The following SH3PXD2A variants were observed in gnomAD, a reference collection of about 807,000 sequenced individuals.
SH3PXD2A encodes the protein SH3 and PX domain-containing protein 2A.
Under a neutral mutation model 115.2 loss-of-function variants are expected in SH3PXD2A, and 32 were observed. The observed-to-expected ratio is 0.28, with a 90% CI of 0.21 to 0.37. SH3PXD2A has a LOEUF of 0.37. SH3PXD2A is among the 10% of genes least tolerant of loss of function. The pLI, the probability that SH3PXD2A is intolerant of heterozygous loss-of-function variation, is 1.00. For missense variants in SH3PXD2A, 1,328 were observed against 1,498.7 expected (o/e 0.89, Z 1.88); for synonymous variants, 610 against 629.1 (o/e 0.97, Z 0.45).
At chr10:103,766,641 A>C (rs1437449767) in intron 3 of SH3PXD2A, among the ~76,000 whole-genome samples, 1 of 152,234 alleles carries the variant, frequency 6.6e-6, no homozygotes, top group Non-Finnish European at 1.5e-5. Flanking sequence ...TGCCTTAAAC[A>C]CACTCCAAAA....
intron 5 of SH3PXD2A, 64 bp downstream of exon 5, chr10:103,724,206 A>G (rs12220667): frequency 0.26 from 209,233 of 810,246 alleles, 28,892 homozygotes; most frequent in African/African-American, 0.42. Context: ...CAGCCTCCCC[A>G]GGCTGGCCAT....
chr10:103,821,428 G>A (rs117829550), intron 1 of SH3PXD2A, among the ~76,000 whole-genome samples: 3,112 of 152,112 alleles, frequency 0.02, 49 homozygotes, highest in South Asian at 0.035. Context: ...CACACCTGGC[G>A]TTCATTCTTT....
intron 1 of SH3PXD2A, among the ~76,000 whole-genome samples, chr10:103,821,063 G>A (rs1231327588): frequency 6.6e-6 from 1 of 151,940 alleles, no homozygotes; most frequent in African/African-American, 2.4e-5. Flanking sequence ...GTTTCAGTGA[G>A]GATTAAATGG....
chr10:103,619,933 C>G (rs1195125524), intron 10 of SH3PXD2A, among the ~76,000 whole-genome samples: 2 of 152,220 alleles, frequency 1.3e-5, no homozygotes, highest in Non-Finnish European at 2.9e-5. Flanking sequence ...CCAGGCCGTC[C>G]CAGCTCCTGG....
intron 1 of SH3PXD2A, among the ~76,000 whole-genome samples, chr10:103,810,945 C>CGT (rs1442424856): frequency 2.4e-4 from 1 of 4,168 alleles, no homozygotes; most frequent in Admixed American, 2.8e-3. Context: ...GACACAGGCG[C>CGT]GCGCGCGCAC....
Position 103,602,008 on chromosome 10 carries a change from G to A in SH3PXD2A, c.3210C>T (p.His1070=). 3.1e-6 allele frequency: 5 copies of A among 1,613,844 alleles called. No individual in the cohort carries two copies. Among genetic ancestry groups the A allele is most frequent in the Non-Finnish European group, 4.2e-6 (5 of 1,179,856 alleles). ...AGACGTACACATCTTTGAGGTTATT[G>A]TGGATGAACTGAGACTTCTCGATGG... The part of the protein sequence containing the change: ...PKPIEKSQFI[H]NNLKDVYVSI... Residue 1070 remains histidine, a synonymous_variant, in exon 15 of 15, where the codon CAC becomes CAT. Transcript: ENST00000369774.
At chr10:103,700,360 C>A (rs961733702) in intron 5 of SH3PXD2A, among the ~76,000 whole-genome samples, 1 of 152,178 alleles carries the variant, frequency 6.6e-6, no homozygotes, top group African/African-American at 2.4e-5. Flanking sequence ...GGCATCTGGC[C>A]CATGGAAAGG....
chr10:103,720,503 G>A (rs2038169196), intron 5 of SH3PXD2A, among the ~76,000 whole-genome samples: 1 of 152,212 alleles, frequency 6.6e-6, no homozygotes. Context: ...CTGGAAGATG[G>A]AAAGGGAAGA....
intron 2 of SH3PXD2A, among the ~76,000 whole-genome samples, chr10:103,772,542 C>G (rs760942362): frequency 6.6e-6 from 1 of 152,222 alleles, no homozygotes; most frequent in African/African-American, 2.4e-5. Context: ...GCTAATGGAG[C>G]CCCTCGCAAC....
chr10:103,845,346 GA>G (rs61352013), intron 1 of SH3PXD2A, among the ~76,000 whole-genome samples: 6 of 86,328 alleles, frequency 7.0e-5, no homozygotes, highest in South Asian at 2.9e-4. Context: ...AAAAAAAAAA[GA>G]AAAAAGAAAA....
At chr10:103,732,982 T>C (rs72815796) in intron 4 of SH3PXD2A, among the ~76,000 whole-genome samples, 2,782 of 152,142 alleles carry the variant, frequency 0.018, 30 homozygotes, top group Non-Finnish European at 0.032. Flanking sequence ...CATTCCAAGG[T>C]CAGTGGGTTT....
chr10:103,745,624 G>A (rs1337246021), intron 3 of SH3PXD2A, among the ~76,000 whole-genome samples: 2 of 152,166 alleles, frequency 1.3e-5, no homozygotes, highest in Non-Finnish European at 2.9e-5. Flanking sequence ...GGATGGGGTG[G>A]GGTGGGCCCT....
At chr10:103,605,771 C>T (rs781584928) in intron 14 of SH3PXD2A, 27 bp downstream of exon 14, 3 of 1,613,912 alleles carry the variant, frequency 1.9e-6, no homozygotes, top group Non-Finnish European at 2.5e-6. Flanking sequence ...TGAGTTAAAA[C>T]CCTCGGCCTC....
chr10:103,679,565 C>T (rs900020751), intron 6 of SH3PXD2A, among the ~76,000 whole-genome samples: 4 of 152,238 alleles, frequency 2.6e-5, no homozygotes, highest in African/African-American at 7.2e-5. Context: ...GGGAGTTCCC[C>T]TGACCAGAAC....
At chr10:103,804,627 A>T (rs1452533359) in intron 1 of SH3PXD2A, among the ~76,000 whole-genome samples, 1 of 151,972 alleles carries the variant, frequency 6.6e-6, no homozygotes, top group Non-Finnish European at 1.5e-5. Context: ...TGACCGGTTG[A>T]CACCATCTTT....
chr10:103,841,561 C>A (rs1288722275), intron 1 of SH3PXD2A, among the ~76,000 whole-genome samples: 3 of 152,168 alleles, frequency 2.0e-5, no homozygotes, highest in Admixed American at 6.5e-5. Context: ...CATCATGAGG[C>A]CTCACTGCTG....
At position 103,620,263 on chromosome 10, in the gene SH3PXD2A, G is replaced by A. The variant is rs1254162317; in HGVS notation, c.802+2207C>T. 6.6e-6 allele frequency among the ~76,000 whole-genome samples: 1 copy of A among 152,198 alleles called. No homozygotes were observed. Among genetic ancestry groups the A allele is most frequent in the African/African-American group, 2.4e-5 (1 of 41,448 alleles). ...CACTGGGGCCGTGAACACTGACCAC[G>A]CCACCAGGAGACGGTGGCAGCCTGC... On this transcript the variant is annotated intron_variant, in intron 10 of 14. Coordinates refer to ENST00000369774, the MANE Select transcript of SH3PXD2A (RefSeq NM_001394015.1). This position sits in a 1 kb window ranked among gnomAD's most constrained non-coding sequence, Gnocchi z 5.3.
chr10:103,769,195 C>T (rs926354817), intron 2 of SH3PXD2A, among the ~76,000 whole-genome samples: 1 of 148,740 alleles, frequency 6.7e-6, no homozygotes, highest in Non-Finnish European at 1.5e-5. Context: ...CGCGCGCGCG[C>T]ATTTATTTCC....
intron 5 of SH3PXD2A, among the ~76,000 whole-genome samples, chr10:103,696,841 G>A (rs1056718591): frequency 4.6e-5 from 7 of 152,202 alleles, no homozygotes; most frequent in Non-Finnish European, 7.3e-5. Flanking sequence ...GTGACCCACA[G>A]TCCCAGGAAA....
Sources: gnomAD v4.1 joint callset for allele counts (sites outside exome capture counted in the v4.1 genomes callset) on GRCh38, gnomAD v4.1.1 for gene constraint, Gnocchi (gnomAD v3.1) non-coding constraint, MANE v1.5 for transcripts, NCBI Gene and HGNC (gene_info 2026-07-23, HGNC 2026-07-21) for gene names.